Variants in GABRB1 observed in about 807,000 individuals in gnomAD.
GABRB1 encodes the protein gamma-aminobutyric acid type A receptor subunit beta1.
In GABRB1, 17 loss-of-function variants were observed where a neutral mutation model predicts 51.6. The ratio of observed to expected loss-of-function variants is 0.33; its 90% CI spans 0.23 to 0.49. The LOEUF is 0.49. GABRB1 is among the 20% of genes least tolerant of loss of function. The pLI, the probability that GABRB1 is intolerant of heterozygous loss-of-function variation, is 0.99. For synonymous variants in GABRB1, 247 were observed against 218.9 expected (o/e 1.13, Z -1.14); for missense variants, 410 against 600.6 (o/e 0.68, Z 3.32).
chr4:47,176,282 T>C (rs1325090088), intron 4 of GABRB1, among the ~76,000 whole-genome samples: 2 of 152,200 alleles, frequency 1.3e-5, no homozygotes, highest in South Asian at 2.1e-4. Flanking sequence ...AAGGCAAGCA[T>C]GATTTAGAAT....
chr4:47,175,896 A>G, intron 4 of GABRB1, among the ~76,000 whole-genome samples: 1 of 152,162 alleles, frequency 6.6e-6, no homozygotes, highest in African/African-American at 2.4e-5. Context: ...TTAAATATTC[A>G]AGGTGGTAGC....
intron 4 of GABRB1, among the ~76,000 whole-genome samples, chr4:47,286,402 C>T (rs1008577872): frequency 6.6e-6 from 1 of 152,038 alleles, no homozygotes; most frequent in Non-Finnish European, 1.5e-5. Context: ...TCTATTTCTG[C>T]TTGCACCCTT....
intron 3 of GABRB1, among the ~76,000 whole-genome samples, chr4:47,057,872 A>G (rs1325779623): frequency 1.3e-5 from 2 of 152,236 alleles, no homozygotes; most frequent in East Asian, 3.8e-4. Context: ...ACCACCTCAC[A>G]AAGATATTAT....
Position 47,195,390 on chromosome 4 carries a change from TA to T in GABRB1, c.461+33922del, listed in dbSNP as rs1365339061. ...CAAAATAAATAAATAGATAGATAGA[TA>T]GATGATAGATAGATAGATAGATAGA... On this transcript the variant is annotated intron_variant, in intron 4 of 8. Transcript: ENST00000295454. 2.2e-4 allele frequency among the ~76,000 whole-genome samples: 7 copies of T among 32,506 alleles called. No homozygotes were observed. In the South Asian group the frequency reaches 4.6e-3, roughly 21 times the overall value. 21.3% of individuals were successfully genotyped at this position (32,506 alleles called of 152,430 possible).
chr4:47,073,054 T>C (rs1266647503), intron 3 of GABRB1, among the ~76,000 whole-genome samples: 2 of 152,196 alleles, frequency 1.3e-5, no homozygotes, highest in Non-Finnish European at 2.9e-5. Context: ...ACACAAATAC[T>C]TACAGTTAAC....
chr4:47,193,695 T>G (rs1719535719), intron 4 of GABRB1, among the ~76,000 whole-genome samples: 1 of 152,192 alleles, frequency 6.6e-6, no homozygotes, highest in Admixed American at 6.5e-5. Flanking sequence ...ACTGAAAGCA[T>G]TTAGTCTAAA....
intron 3 of GABRB1, among the ~76,000 whole-genome samples, chr4:47,053,626 C>T (rs753036476): frequency 2.6e-5 from 4 of 152,152 alleles, no homozygotes; most frequent in Non-Finnish European, 4.4e-5. Flanking sequence ...GATTCTACCA[C>T]CTAACATTAG....
chr4:47,079,854 G>T (rs1465894518), intron 3 of GABRB1, among the ~76,000 whole-genome samples: 2 of 106,968 alleles, frequency 1.9e-5, no homozygotes, highest in African/African-American at 7.3e-5. Context: ...GTTGTGGGGT[G>T]GGGGGAGGGG....
At chr4:47,247,341 T>A (rs1308454493) in intron 4 of GABRB1, among the ~76,000 whole-genome samples, 2 of 152,034 alleles carry the variant, frequency 1.3e-5, no homozygotes, top group Non-Finnish European at 2.9e-5. Flanking sequence ...AGTATTTGGG[T>A]TTATTTCTGG....
chr4:47,089,880 GC>G (rs1728223870), intron 3 of GABRB1, among the ~76,000 whole-genome samples: 2 of 152,070 alleles, frequency 1.3e-5, no homozygotes, highest in African/African-American at 4.8e-5. Context: ...ATAAATCTAG[GC>G]CTTTTAAACC....
In GABRB1 at chr4:47,035,417, TG is replaced by T. The variant is rs201767347; in HGVS notation, c.240+2934del. ...CAAAACTTGTGAAGAATAATGCCGA[TG>T]TAGATAAACATATCTACTTGAGAAC... On this transcript the variant is annotated intron_variant, in intron 3 of 8. Transcript: ENST00000295454. 2.8e-4 allele frequency among the ~76,000 whole-genome samples: 42 copies of T among 152,346 alleles called. No homozygotes were observed. In the East Asian group the frequency reaches 7.7e-3, roughly 28 times the overall value.
chr4:47,238,457 C>A (rs564144185), intron 4 of GABRB1, among the ~76,000 whole-genome samples: 19 of 152,020 alleles, frequency 1.2e-4, no homozygotes, highest in African/African-American at 4.6e-4. Context: ...TTTAAAGATG[C>A]TTTTTAAGTA....
intron 5 of GABRB1, among the ~76,000 whole-genome samples, chr4:47,383,553 T>A (rs780340761): frequency 6.6e-6 from 1 of 152,126 alleles, no homozygotes; most frequent in East Asian, 1.9e-4. Flanking sequence ...TCTGATCTGA[T>A]ATATTAGTAA....
intron 4 of GABRB1, among the ~76,000 whole-genome samples, chr4:47,172,409 C>T (rs1718476528): frequency 6.6e-6 from 1 of 152,080 alleles, no homozygotes; most frequent in Non-Finnish European, 1.5e-5. Context: ...GTGCCTCATC[C>T]TCCTGAGTGG....
chr4:47,056,960 G>T (rs1448810405), intron 3 of GABRB1, among the ~76,000 whole-genome samples: 4 of 152,178 alleles, frequency 2.6e-5, no homozygotes, highest in East Asian at 3.9e-4. Flanking sequence ...ACAAAAATTT[G>T]CTGGGCATGG....
At chr4:47,107,313 G>T (rs1715010152) in intron 3 of GABRB1, among the ~76,000 whole-genome samples, 2 of 152,002 alleles carry the variant, frequency 1.3e-5, no homozygotes, top group African/African-American at 2.4e-5. Flanking sequence ...TGGGATCCTT[G>T]CTAAAACTTT....
intron 4 of GABRB1, among the ~76,000 whole-genome samples, chr4:47,297,908 C>A (rs1409111349): frequency 2.0e-5 from 3 of 152,206 alleles, no homozygotes; most frequent in Non-Finnish European, 4.4e-5. Context: ...AAGTGGGCTT[C>A]ATCCCTGGGA....
chr4:47,377,320 C>G (rs1011178591), intron 5 of GABRB1, among the ~76,000 whole-genome samples: 3 of 151,974 alleles, frequency 2.0e-5, no homozygotes, highest in Admixed American at 1.3e-4. Context: ...TCACTGACTT[C>G]AAGAATGAAG....
intron 3 of GABRB1, among the ~76,000 whole-genome samples, chr4:47,154,022 A>G (rs987750300): frequency 6.6e-6 from 1 of 152,100 alleles, no homozygotes; most frequent in African/African-American, 2.4e-5. Context: ...AGTTAACATA[A>G]CACTAGATGA....
Sources: gnomAD v4.1 joint callset for allele counts (sites outside exome capture counted in the v4.1 genomes callset) on GRCh38, gnomAD v4.1.1 for gene constraint, MANE v1.5 for transcripts, NCBI Gene and HGNC (gene_info 2026-07-23, HGNC 2026-07-21) for gene names.